The following ROBO1 variants were observed in gnomAD, a reference collection of about 807,000 sequenced individuals.
ROBO1 encodes roundabout homolog 1.
Under a neutral mutation model 195.9 loss-of-function variants are expected in ROBO1, and 149 were observed. The ratio of observed to expected loss-of-function variants is 0.76; its 90% confidence interval spans 0.67 to 0.87. The LOEUF (loss-of-function observed/expected upper bound fraction) is 0.87. Ranked by LOEUF, ROBO1 falls within the 40% of genes least tolerant of loss-of-function variation. The probability of loss-of-function intolerance (pLI) is 0.00; values close to 1 mark genes in which losing one functional copy is unlikely to be tolerated. For missense variants in ROBO1, 1,933 were observed against 2,068.3 expected (o/e 0.93, Z 1.27); for synonymous variants, 816 against 733.2 (o/e 1.11, Z -1.82).
At position 79,019,521 on chromosome 3, in the gene ROBO1, G is replaced by T. The variant is rs542663721; in HGVS notation, c.173-80594C>A. On this transcript the variant is annotated intron_variant, in intron 3 of 30. Coordinates refer to ENST00000464233, the MANE Select transcript of ROBO1 (RefSeq NM_002941.4). Reference sequence around the variant, plus strand: ...GTTCCCTCCCTCTCCTCCCCGGCCCGATAATACTTAAAGGGGCCGCGTGGT... The same window carrying T: ...GTTCCCTCCCTCTCCTCCCCGGCCCTATAATACTTAAAGGGGCCGCGTGGT... The T allele has an allele frequency of 4.6e-5, 45 of 985,992 alleles. No homozygotes were observed. The African/African-American group carries it at 4.7e-4, about 10-fold the overall frequency. 61.1% of individuals were successfully genotyped at this position (985,992 alleles called of 1,614,324 possible).
intron 4 of ROBO1, among the ~76,000 whole-genome samples, chr3:78,832,109 A>C (rs2032278793): frequency 1.3e-5 from 2 of 152,162 alleles, no homozygotes; most frequent in Admixed American, 1.3e-4. Flanking sequence ...ATTTTTTTCT[A>C]CCTGTGAAGC....
chr3:79,300,284 G>A (rs1194752571), intron 2 of ROBO1, among the ~76,000 whole-genome samples: 1 of 152,242 alleles, frequency 6.6e-6, no homozygotes, highest in Non-Finnish European at 1.5e-5. Flanking sequence ...TTCCGGGTGG[G>A]CGTGGGCTTG....
intron 4 of ROBO1, among the ~76,000 whole-genome samples, chr3:78,753,461 G>T (rs1021109685): frequency 2.0e-5 from 3 of 152,070 alleles, no homozygotes; most frequent in Non-Finnish European, 4.4e-5. Context: ...TGGCATAGTA[G>T]GTTTCAGTTA....
chr3:79,687,766 C>A (rs990564817), intron 1 of ROBO1, among the ~76,000 whole-genome samples: 2 of 152,104 alleles, frequency 1.3e-5, no homozygotes, highest in African/African-American at 4.8e-5. Context: ...TTTTACACTG[C>A]TGGTGGGACC....
chr3:78,990,246 T>C (rs559265261), intron 3 of ROBO1, among the ~76,000 whole-genome samples: 13 of 152,332 alleles, frequency 8.5e-5, no homozygotes, highest in Non-Finnish European at 1.6e-4. Flanking sequence ...TCATACTGAA[T>C]GTGTAAGAAT....
chr3:79,302,482 T>G (rs190387708), intron 2 of ROBO1, among the ~76,000 whole-genome samples: 1 of 152,330 alleles, frequency 6.6e-6, no homozygotes. Context: ...TTCTCTAATT[T>G]GGAACTCTGT....
At chr3:78,670,492 A>C (rs748767994) in intron 10 of ROBO1, 191 bp from the exon 11 acceptor site, 2 of 572,172 alleles carry the variant, frequency 3.5e-6, no homozygotes, top group Non-Finnish European at 3.1e-6. Flanking sequence ...ATGAGACACA[A>C]TGTGCTACTT....
chr3:78,739,194 A>G (rs1468147328), intron 5 of ROBO1, among the ~76,000 whole-genome samples: 2 of 152,218 alleles, frequency 1.3e-5, no homozygotes, highest in East Asian at 3.8e-4. Flanking sequence ...GACAAAGGTT[A>G]TCATGAAGAA....
chr3:79,537,719 A>C (rs1467870796), intron 2 of ROBO1, among the ~76,000 whole-genome samples: 1 of 151,766 alleles, frequency 6.6e-6, no homozygotes, highest in Admixed American at 6.6e-5. Context: ...GGAACATCAC[A>C]CACGGGGTCC....
At chr3:79,406,801 T>C (rs2037567477) in intron 2 of ROBO1, among the ~76,000 whole-genome samples, 1 of 152,196 alleles carries the variant, frequency 6.6e-6, no homozygotes, top group Admixed American at 6.6e-5. Flanking sequence ...GACAATTCTT[T>C]TTTCTTCACA....
chr3:79,317,125 T>C (rs888354213), intron 2 of ROBO1, among the ~76,000 whole-genome samples: 1 of 152,156 alleles, frequency 6.6e-6, no homozygotes, highest in African/African-American at 2.4e-5. Flanking sequence ...ATTGACCAAA[T>C]AAGAATTCCC....
chr3:79,522,790 T>G (rs1941263080), intron 2 of ROBO1, among the ~76,000 whole-genome samples: 1 of 152,176 alleles, frequency 6.6e-6, no homozygotes, highest in African/African-American at 2.4e-5. Context: ...ATATTTTATA[T>G]TAAATTCAGA....
At chr3:78,820,275 G>T (rs184075062) in intron 4 of ROBO1, among the ~76,000 whole-genome samples, 2 of 152,226 alleles carry the variant, frequency 1.3e-5, no homozygotes, top group African/African-American at 4.8e-5. Context: ...ATCTATGTAG[G>T]ACATGACTAG....
Position 78,714,516 on chromosome 3 carries a change from A to C in ROBO1, c.926T>G (p.Ile309Ser). 6.2e-7 allele frequency: 1 copy of C among 1,610,734 alleles called. No homozygotes were observed. Among genetic ancestry groups the C allele is most frequent in the Non-Finnish European group, 8.5e-7 (1 of 1,178,574 alleles). ...AATTTTCAAGGTATGATCATCTCGG[A>C]TTTCATATCTAATGACATAACAAAA... Reference protein sequence around the residue: ...DGELPKSRYEIRDDHTLKIRK... With the variant: ...DGELPKSRYESRDDHTLKIRK... The change falls in exon 8 of 31, where the codon ATC becomes AGC. Residue 309 changes from isoleucine to serine, a missense_variant. Physicochemically the swap from Ile to Ser is moderately radical, Grantham distance 142 (BLOSUM62 -2). Around this residue, in one of 3 missense-constraint regions of ROBO1, gnomAD observed 1,737 missense variants for 1,882.5 expected, o/e 0.92. Transcript: ENST00000464233.
intron 4 of ROBO1, among the ~76,000 whole-genome samples, chr3:78,776,457 G>A (rs1380833509): frequency 6.6e-6 from 1 of 152,076 alleles, no homozygotes; most frequent in African/African-American, 2.4e-5. Context: ...CGCCATGTTG[G>A]CCAGCTGGTC....
At chr3:78,807,415 CTG>C (rs2084579594) in intron 4 of ROBO1, among the ~76,000 whole-genome samples, 1 of 152,012 alleles carries the variant, frequency 6.6e-6, no homozygotes, top group African/African-American at 2.4e-5. Flanking sequence ...ACATAGGAAA[CTG>C]GATTTCAGAG....
chr3:78,818,853 C>T (rs190188049), intron 4 of ROBO1, among the ~76,000 whole-genome samples: 1 of 152,248 alleles, frequency 6.6e-6, no homozygotes, highest in Non-Finnish European at 1.5e-5. Context: ...TGCAGTCAAC[C>T]CCGGTGTGAA....
At chr3:79,357,208 C>T (rs888009172) in intron 2 of ROBO1, among the ~76,000 whole-genome samples, 2 of 152,090 alleles carry the variant, frequency 1.3e-5, no homozygotes, top group Admixed American at 1.3e-4. Flanking sequence ...TCTTCTTTTC[C>T]TGACTCTAAC....
intron 2 of ROBO1, among the ~76,000 whole-genome samples, chr3:79,575,353 A>G (rs1357895588): frequency 1.6e-5 from 2 of 128,914 alleles, no homozygotes; most frequent in Non-Finnish European, 3.1e-5. Flanking sequence ...CAATATATAT[A>G]AATATGTATA....
Sources: allele counts gnomAD v4.1 joint callset (sites outside exome capture counted in the v4.1 genomes callset), GRCh38; gene constraint gnomAD v4.1.1; regional missense constraint gnomAD v4.1.1; transcripts MANE v1.5; gene names NCBI Gene and HGNC (gene_info 2026-07-23, HGNC 2026-07-21).